Variants in ERC2 observed in about 807,000 individuals in gnomAD.
The protein encoded by ERC2 is ELKS/RAB6-interacting/CAST family member 2.
Under a neutral mutation model 114.8 loss-of-function variants are expected in ERC2, and 42 were observed. The ratio of observed to expected loss-of-function variants is 0.37; its 90% CI spans 0.29 to 0.47. The LOEUF (loss-of-function observed/expected upper bound fraction) is 0.47. ERC2 is among the 20% of genes least tolerant of loss of function. ERC2 has a pLI of 0.99. For missense variants in ERC2, 939 were observed against 1,150.7 expected (o/e 0.82, Z 2.66); for synonymous variants, 454 against 425.5 (o/e 1.07, Z -0.82).
rs1427725307 is a variant in ERC2 at position 56,348,859 on chromosome 3, AAATG to A, written c.658-52428_658-52425del. 9.3e-4 allele frequency among the ~76,000 whole-genome samples: 135 copies of A among 144,706 alleles called. 1 individual carries two copies. The highest frequency in any genetic ancestry group is 3.4e-3 in the African/African-American group (125 of 36,876). The allele number at this position is 144,706 out of a possible 152,430, so 94.9% of individuals were successfully genotyped here. The stretch of plus-strand genomic sequence containing the variant: ...CTACCACTTTTCTAAGATACCACCA[AAATG>A]AAAGAAAGGAAGGAAGGAAGGAAGG... On this transcript the variant is annotated intron_variant, in intron 2 of 17. Coordinates refer to ENST00000288221, the MANE Select transcript of ERC2 (RefSeq NM_015576.3).
intron 2 of ERC2, among the ~76,000 whole-genome samples, chr3:56,299,159 G>A (rs931224417): frequency 7.3e-4 from 98 of 133,414 alleles, no homozygotes; most frequent in African/African-American, 2.5e-3. Context: ...ACAGAGTCTC[G>A]TCCTGTCGCC....
chr3:55,906,349 G>A (rs9822856), intron 13 of ERC2, among the ~76,000 whole-genome samples: 106,225 of 149,688 alleles, frequency 0.71, 37,896 homozygotes, highest in Admixed American at 0.77. Flanking sequence ...GGAGAATGGC[G>A]TGAACCCGGG....
intron 2 of ERC2, among the ~76,000 whole-genome samples, chr3:56,362,991 A>G (rs936121441): frequency 9.2e-5 from 14 of 152,212 alleles, no homozygotes; most frequent in Middle Eastern, 3.2e-3. Context: ...GATAGTTGCA[A>G]TTGGTTTTTA....
intron 6 of ERC2, among the ~76,000 whole-genome samples, chr3:56,138,523 C>T (rs1004365317): frequency 2.0e-5 from 3 of 152,130 alleles, no homozygotes; most frequent in South Asian, 2.1e-4. Context: ...TATTTTCTTC[C>T]GCCTCTGGAC....
chr3:56,413,895 C>T (rs1380585561), intron 2 of ERC2, among the ~76,000 whole-genome samples: 1 of 152,224 alleles, frequency 6.6e-6, no homozygotes, highest in Admixed American at 6.5e-5. Context: ...CCTATGCACA[C>T]ATGTGCACCC....
intron 2 of ERC2, among the ~76,000 whole-genome samples, chr3:56,375,077 G>T (rs2059490006): frequency 6.6e-6 from 1 of 152,124 alleles, no homozygotes; most frequent in Non-Finnish European, 1.5e-5. Context: ...AGGGGACCCA[G>T]GATGCTCCCA....
At chr3:55,758,376 G>T (rs1017242235) in intron 14 of ERC2, among the ~76,000 whole-genome samples, 8 of 152,276 alleles carry the variant, frequency 5.3e-5, no homozygotes, top group Admixed American at 4.6e-4. Context: ...CTCATACTGA[G>T]GAAGATCCCC....
intron 2 of ERC2, among the ~76,000 whole-genome samples, chr3:56,357,469 C>T (rs1338750298): frequency 4.6e-5 from 7 of 152,128 alleles, no homozygotes; most frequent in African/African-American, 2.4e-5. Context: ...CTACAGCCTG[C>T]ATAGGCCCAG....
At chr3:56,376,222 T>G (rs1237946652) in intron 2 of ERC2, among the ~76,000 whole-genome samples, 2 of 152,194 alleles carry the variant, frequency 1.3e-5, no homozygotes, top group Non-Finnish European at 1.5e-5. Context: ...GGATTTGTTA[T>G]AAAGCAATAA....
At position 56,361,432 on chromosome 3, in the gene ERC2, A is replaced by C. The variant is rs185520595; in HGVS notation, c.658-64997T>G. ...GAAGTGAAAACAGAGGAATCCAAAA[A>C]CATACATAAAGTAAGAAAAAGCGAG... On this transcript the variant is annotated intron_variant, in intron 2 of 17. Coordinates refer to ENST00000288221, the MANE Select transcript of ERC2 (RefSeq NM_015576.3). Among the ~76,000 whole-genome samples, 9 of 152,338 alleles carry C rather than the reference A, an allele frequency of 5.9e-5. No homozygotes were observed. The East Asian group carries it at 1.5e-3, about 26-fold the overall frequency.
chr3:55,513,765 C>T (rs539906626), intron 17 of ERC2, among the ~76,000 whole-genome samples: 5 of 152,238 alleles, frequency 3.3e-5, no homozygotes, highest in African/African-American at 1.2e-4. Context: ...CCTCAAGGAG[C>T]TAGGACTACA....
At position 56,468,380 on chromosome 3, in the gene ERC2, G is replaced by C. The variant is rs2063653865; in HGVS notation, c.-273C>G. The C allele has an allele frequency of 6.5e-6, 1 of 153,926 alleles. No homozygotes were observed. The highest frequency in any genetic ancestry group is 1.4e-5 in the Non-Finnish European group (1 of 69,412). The allele number at this position is 153,926 out of a possible 1,614,324, so 9.5% of individuals were successfully genotyped here. A position where few individuals can be genotyped will look rare whatever the true frequency, so the allele number is the denominator to read the frequency against. ...CGAGCGAGCAGGAGCGGGAGGCGGA[G>C]GAAGAGGAGGAGAAGCGGGGCGGGG... On this transcript the variant is annotated 5_prime_UTR_variant, in exon 1 of 18. Transcript: ENST00000288221.
intron 3 of ERC2, among the ~76,000 whole-genome samples, chr3:56,282,234 A>T (rs1037143886): frequency 8.5e-5 from 13 of 152,374 alleles, no homozygotes; most frequent in Middle Eastern, 6.8e-3. Flanking sequence ...AGCTACTAGA[A>T]ATATGACAAC....
chr3:55,618,429 G>C (rs2059208040), intron 17 of ERC2, among the ~76,000 whole-genome samples: 1 of 152,148 alleles, frequency 6.6e-6, no homozygotes, highest in African/African-American at 2.4e-5. Context: ...AAAGGCTTTA[G>C]GGAATTCTAC....
At chr3:56,016,970 T>C (rs2149586526) in intron 8 of ERC2, among the ~76,000 whole-genome samples, 1 of 152,148 alleles carries the variant, frequency 6.6e-6, no homozygotes, top group South Asian at 2.1e-4. Flanking sequence ...CATGCATGTG[T>C]GGACAAATCC....
At position 55,734,957 on chromosome 3, in the gene ERC2, TAA is replaced by T. The variant is rs746130668; in HGVS notation, c.2565-41_2565-40del. 8.9e-5 allele frequency: 104 copies of T among 1,168,018 alleles called. No individual in the cohort carries two copies. In the African/African-American group the frequency reaches 1.3e-3, roughly 15 times the overall value. 72.4% of individuals were successfully genotyped at this position (1,168,018 alleles called of 1,614,324 possible). A position where few individuals can be genotyped will look rare whatever the true frequency, so the allele number is the denominator to read the frequency against. On this transcript the variant is annotated intron_variant, in intron 14 of 17. Coordinates refer to ENST00000288221, the MANE Select transcript of ERC2 (RefSeq NM_015576.3). ...GATTATTGAGATCATTTTTGTAAAA[TAA>T]AAAAAAAAACAAACAATTGGCATTT...
intron 17 of ERC2, among the ~76,000 whole-genome samples, chr3:55,661,545 G>A (rs1320541386): frequency 4.6e-5 from 7 of 151,850 alleles, no homozygotes; most frequent in Middle Eastern, 3.2e-3. Flanking sequence ...TTTCTTTCTC[G>A]ACTTTTAAGG....
intron 12 of ERC2, among the ~76,000 whole-genome samples, chr3:55,983,733 A>ACTAGATAC (rs1576452540): frequency 6.6e-6 from 1 of 152,150 alleles, no homozygotes; most frequent in East Asian, 1.9e-4. Flanking sequence ...GGTAAGAAAG[A>ACTAGATAC]CTAGATACAA....
In ERC2 at chr3:55,797,431, C is replaced by T. The variant is rs141051231; in HGVS notation, c.2565-62513G>A. Among the ~76,000 whole-genome samples, 8 of 152,214 alleles carry T rather than the reference C, an allele frequency of 5.3e-5. No homozygotes were observed. In the East Asian group the frequency reaches 1.5e-3, roughly 29 times the overall value. ...AGGATTCTTAAAGGAGCTAGGTGAT[C>T]CTAGATTGATAGCAGCTCCCTGCTC... On this transcript the variant is annotated intron_variant, in intron 14 of 17. Coordinates refer to ENST00000288221, the MANE Select transcript of ERC2 (RefSeq NM_015576.3).
Sources: allele counts gnomAD v4.1 joint callset (sites outside exome capture counted in the v4.1 genomes callset), GRCh38; gene constraint gnomAD v4.1.1; transcripts MANE v1.5; gene names NCBI Gene and HGNC (gene_info 2026-07-23, HGNC 2026-07-21).